KIAA1671: variants seen among roughly 807,000 people sequenced by gnomAD.
The protein encoded by KIAA1671 is KIAA1671, also known as uncharacterized protein KIAA1671.
In KIAA1671, 52 loss-of-function variants were observed where a neutral mutation model predicts 131.2. The ratio of observed to expected loss-of-function variants is 0.40; its 90% CI spans 0.32 to 0.50. The LOEUF (loss-of-function observed/expected upper bound fraction) is 0.50. Ranked by LOEUF, KIAA1671 falls within the 20% of genes least tolerant of loss-of-function variation. KIAA1671 has a pLI of 0.73. For missense variants in KIAA1671, 2,360 were observed against 2,364.2 expected (o/e 1.00, Z 0.04); for synonymous variants, 1,003 against 961.6 (o/e 1.04, Z -0.80).
intron 6 of KIAA1671, among the ~76,000 whole-genome samples, chr22:25,065,825 G>A (rs1928446308): frequency 6.6e-6 from 1 of 152,014 alleles, no homozygotes; most frequent in South Asian, 2.1e-4. Flanking sequence ...CTTTTTAGTA[G>A]AGACGGGGTT....
intron 10 of KIAA1671, among the ~76,000 whole-genome samples, chr22:25,183,151 T>C (rs1045230204): frequency 2.0e-5 from 3 of 152,222 alleles, no homozygotes; most frequent in Non-Finnish European, 2.9e-5. Context: ...CGTTCCCCTT[T>C]TATTGAAGAA....
chr22:25,136,360 A>G (rs1239722383), intron 6 of KIAA1671, among the ~76,000 whole-genome samples: 1 of 152,258 alleles, frequency 6.6e-6, no homozygotes, highest in African/African-American at 2.4e-5. Flanking sequence ...CACAGCCAGT[A>G]AGCATCAGAT....
At chr22:25,174,967 G>A (rs1933973152) in intron 8 of KIAA1671, 1 of 153,204 alleles carries the variant, frequency 6.5e-6, no homozygotes, top group South Asian at 2.1e-4. Context: ...GACTGTCTCT[G>A]TAGTGGCTCT....
chr22:25,099,334 A>AG (rs1930539161), intron 6 of KIAA1671, among the ~76,000 whole-genome samples: 2 of 152,174 alleles, frequency 1.3e-5, no homozygotes, highest in East Asian at 3.9e-4. Context: ...AAGGAGCTGG[A>AG]GGGCCAGGCA....
At chr22:25,015,742 C>T (rs1925276865) in intron 1 of KIAA1671, among the ~76,000 whole-genome samples, 1 of 152,086 alleles carries the variant, frequency 6.6e-6, no homozygotes, top group Non-Finnish European at 1.5e-5. Flanking sequence ...TGGGTGTGTC[C>T]TACCCTACAT....
chr22:24,995,318 C>T (rs952104662), intron 1 of KIAA1671, among the ~76,000 whole-genome samples: 1 of 150,720 alleles, frequency 6.6e-6, no homozygotes, highest in African/African-American at 2.4e-5. Flanking sequence ...TCCCAAAGTG[C>T]TGGGATTATA....
At chr22:25,021,892 T>C (rs1159807247) in intron 1 of KIAA1671, among the ~76,000 whole-genome samples, 6 of 152,072 alleles carry the variant, frequency 3.9e-5, no homozygotes, top group Admixed American at 3.9e-4. Flanking sequence ...GTTCACGCCA[T>C]TCTCCTGCCT....
At chr22:25,085,509 T>C (rs1438553422) in intron 6 of KIAA1671, among the ~76,000 whole-genome samples, 18 of 145,080 alleles carry the variant, frequency 1.2e-4, no homozygotes, top group South Asian at 2.2e-4. Context: ...GGCCCCCACC[T>C]CCCCCCCCAT....
chr22:24,977,112 T>C (rs1922954997), intron 1 of KIAA1671, among the ~76,000 whole-genome samples: 1 of 152,174 alleles, frequency 6.6e-6, no homozygotes, highest in South Asian at 2.1e-4. Context: ...CTGAGCCCAG[T>C]GCCGGGCATG....
chr22:25,052,392 G>C (rs1927580918), intron 6 of KIAA1671: 1 of 152,238 alleles, frequency 6.6e-6, no homozygotes, highest in Non-Finnish European at 1.5e-5. Context: ...TTGAGCAAGT[G>C]AGTTTACCAC....
At chr22:25,075,639 G>T (rs964583359) in intron 6 of KIAA1671, among the ~76,000 whole-genome samples, 3 of 147,070 alleles carry the variant, frequency 2.0e-5, no homozygotes, top group Non-Finnish European at 4.5e-5. Flanking sequence ...CTACAGGCAC[G>T]TGCTACCACA....
rs574850846 is a variant in KIAA1671, at chr22:25,111,652, G to C, written c.4531-59168G>C. The stretch of plus-strand genomic sequence containing the variant: ...GGTCTGGCCGAGGGCAGCCGGGCAG[G>C]GGGCAGCAGGGTGCGGCAGCTTGCC... On this transcript the variant is annotated intron_variant, in intron 6 of 12. Coordinates refer to ENST00000358431, the MANE Select transcript of KIAA1671 (RefSeq NM_001145206.2). Among the ~76,000 whole-genome samples the C allele has an allele frequency of 9.9e-3, 1,513 of 152,316 alleles. 11 individuals are homozygous for C. The highest frequency in any genetic ancestry group is 0.014 in the Non-Finnish European group (973 of 68,016).
At chr22:25,176,051 T>A (rs1342493598) in intron 8 of KIAA1671, 1 of 152,306 alleles carries the variant, frequency 6.6e-6, no homozygotes, top group Non-Finnish European at 1.5e-5. Context: ...GGCACCATCT[T>A]CCCCTCCAAG....
Position 25,186,618 on chromosome 22 carries a change from C to T in KIAA1671, c.5342+1499C>T, listed in dbSNP as rs536546150. Among the ~76,000 whole-genome samples the T allele has an allele frequency of 6.6e-5, 10 of 152,236 alleles. No homozygotes were observed. The South Asian group carries it at 1.9e-3, about 28-fold the overall frequency. On this transcript the variant is annotated intron_variant, in intron 11 of 12. Transcript: ENST00000358431. ...CTCTCTAATTAAAAAAAAGAAGCTT[C>T]CAAGAGAAGGAGATACTTGAACTGA...
intron 1 of KIAA1671, among the ~76,000 whole-genome samples, chr22:24,956,549 T>C (rs1921707851): frequency 6.6e-6 from 1 of 152,078 alleles, no homozygotes; most frequent in Admixed American, 6.6e-5. Flanking sequence ...GAAGGAGCCT[T>C]CCCGGAGGAG....
rs889331739 is a variant in KIAA1671 at position 25,170,955 on chromosome 22, G to A, written c.4649+17G>A. 3.9e-6 allele frequency: 6 copies of A among 1,548,640 alleles called. No homozygotes were observed. Among genetic ancestry groups the A allele is most frequent in the East Asian group, 4.9e-5 (2 of 40,892 alleles). Reference sequence around the variant, plus strand: ...TGGGGAGAGGTAGGACGCGTGCGACGGGATTCTGGCTGCAAAGGGGGCAGC... The same window carrying A: ...TGGGGAGAGGTAGGACGCGTGCGACAGGATTCTGGCTGCAAAGGGGGCAGC... On this transcript the variant is annotated intron_variant, in intron 7 of 12. Coordinates refer to ENST00000358431, the MANE Select transcript of KIAA1671 (RefSeq NM_001145206.2).
chr22:25,004,983 T>G (rs1602061378), intron 1 of KIAA1671, among the ~76,000 whole-genome samples: 1 of 151,434 alleles, frequency 6.6e-6, no homozygotes, highest in Non-Finnish European at 1.5e-5. Flanking sequence ...TTGATTGTAC[T>G]CATTAAAACT....
rs141390549 is a variant in KIAA1671 at position 25,116,074 on chromosome 22, C to T, written c.4531-54746C>T. Among the ~76,000 whole-genome samples the T allele has an allele frequency of 6.6e-5, 10 of 152,210 alleles. No homozygotes were observed. The East Asian group carries it at 1.9e-3, about 29-fold the overall frequency. ...TACAGGCATGAGCCACTGTGCCCAG[C>T]CTATTTTCATTTACTTATTTTGAAG... On this transcript the variant is annotated intron_variant, in intron 6 of 12. Coordinates refer to ENST00000358431, the MANE Select transcript of KIAA1671 (RefSeq NM_001145206.2).
chr22:24,961,304 G>A (rs1040382589), intron 1 of KIAA1671, among the ~76,000 whole-genome samples: 12 of 152,114 alleles, frequency 7.9e-5, no homozygotes, highest in African/African-American at 2.4e-4. Flanking sequence ...CTGGCCCTTG[G>A]GTTTTAATAC....
Sources: gnomAD v4.1 joint callset for allele counts (sites outside exome capture counted in the v4.1 genomes callset) on GRCh38, gnomAD v4.1.1 for gene constraint, MANE v1.5 for transcripts, NCBI Gene and HGNC (gene_info 2026-07-23, HGNC 2026-07-21) for gene names.